SLCO2A1: variants seen among roughly 807,000 people sequenced by gnomAD.
The protein encoded by SLCO2A1 is matrin F/G 1.
Under a neutral mutation model 71.7 loss-of-function variants are expected in SLCO2A1, and 60 were observed. The ratio of observed to expected loss-of-function variants is 0.84; its 90% CI spans 0.68 to 1.04. SLCO2A1 has a LOEUF of 1.04. SLCO2A1 is among the 50% of genes least tolerant of loss of function. SLCO2A1 has a pLI of 0.00. For synonymous variants in SLCO2A1, 308 were observed against 326.7 expected, an observed-to-expected ratio of 0.94 and a Z score of 0.62; for missense variants, 745 against 813.4, an observed-to-expected ratio of 0.92 and a Z score of 1.02.
chr3:134,024,922 G>C (rs1193569474), intron 1 of SLCO2A1, among the ~76,000 whole-genome samples: 1 of 151,974 alleles, frequency 6.6e-6, no homozygotes, highest in African/African-American at 2.4e-5. Context: ...ACTGTGTAGA[G>C]GTGTTGGACT....
At chr3:133,967,319 G>C (rs1934203625) in intron 3 of SLCO2A1, among the ~76,000 whole-genome samples, 1 of 152,206 alleles carries the variant, frequency 6.6e-6, no homozygotes, top group South Asian at 2.1e-4. Context: ...ACAGATGATA[G>C]AAAAGCCTGA....
chr3:134,024,827 GA>G (rs910088862), intron 1 of SLCO2A1, among the ~76,000 whole-genome samples: 2 of 152,178 alleles, frequency 1.3e-5, no homozygotes, highest in African/African-American at 4.8e-5. Flanking sequence ...CTTGCTATGT[GA>G]AAATCCCCAC....
chr3:133,940,740 G>A (rs995772461), intron 11 of SLCO2A1, among the ~76,000 whole-genome samples: 2 of 152,196 alleles, frequency 1.3e-5, no homozygotes, highest in Non-Finnish European at 1.5e-5. Context: ...GGTGACAGTG[G>A]TGTCAAAGGA....
intron 1 of SLCO2A1, among the ~76,000 whole-genome samples, chr3:134,008,133 C>T (rs898155329): frequency 1.3e-5 from 2 of 152,178 alleles, no homozygotes; most frequent in South Asian, 2.1e-4. Flanking sequence ...GTATGAGAAC[C>T]GTGAAGGTGA....
In SLCO2A1 at chr3:133,940,517, G is replaced by T. The variant is rs1169897599; in HGVS notation, c.1626-2024C>A. Among the ~76,000 whole-genome samples, 3 of 152,156 alleles carry T rather than the reference G, an allele frequency of 2.0e-5. No homozygotes were observed. The East Asian group carries it at 5.8e-4, about 29-fold the overall frequency. On this transcript the variant is annotated intron_variant, in intron 11 of 13. Transcript: ENST00000310926. ...GTCCTCTGGGAGGTGATTTGACAGG[G>T]ATTGCCCTTCTTCCTGCTGCATAGC...
intron 3 of SLCO2A1, 184 bp from the exon 4 acceptor site, chr3:133,955,377 T>A: frequency 1.7e-6 from 1 of 588,824 alleles, no homozygotes; most frequent in Non-Finnish European, 3.0e-6. Flanking sequence ...GGAGGGACTC[T>A]AGAAACAAAG....
intron 1 of SLCO2A1, among the ~76,000 whole-genome samples, chr3:134,005,351 A>G (rs1334405524): frequency 6.6e-6 from 1 of 152,042 alleles, no homozygotes; most frequent in East Asian, 1.9e-4. Context: ...CTTGATTTTC[A>G]ATCTTTCTGT....
At chr3:133,988,018 G>A (rs560970680) in intron 1 of SLCO2A1, among the ~76,000 whole-genome samples, 3 of 152,314 alleles carry the variant, frequency 2.0e-5, no homozygotes, top group African/African-American at 7.2e-5. Flanking sequence ...CACCCTCACT[G>A]AGTGTAAACC....
At chr3:133,936,285 G>A (rs1576423927) in intron 12 of SLCO2A1, among the ~76,000 whole-genome samples, 1 of 152,134 alleles carries the variant, frequency 6.6e-6, no homozygotes, top group East Asian at 1.9e-4. Context: ...AGGTGTGGGT[G>A]CCCACTTTTT....
chr3:133,973,115 T>C (rs1267440252), intron 3 of SLCO2A1, among the ~76,000 whole-genome samples: 1 of 152,206 alleles, frequency 6.6e-6, no homozygotes, highest in Non-Finnish European at 1.5e-5. Flanking sequence ...ATGATCCTTA[T>C]TTTGCTCTCT....
At chr3:133,949,553 G>T (rs1022906914) in intron 6 of SLCO2A1, among the ~76,000 whole-genome samples, 4 of 152,260 alleles carry the variant, frequency 2.6e-5, no homozygotes, top group African/African-American at 9.6e-5. Context: ...CCAGCCTAAG[G>T]CCCTGCAGCT....
intron 1 of SLCO2A1, among the ~76,000 whole-genome samples, chr3:133,979,848 CA>C (rs1232046106): frequency 6.6e-6 from 1 of 152,178 alleles, no homozygotes; most frequent in Admixed American, 6.5e-5. Flanking sequence ...GCATTCTTAT[CA>C]CTGCTGTGAT....
At chr3:133,951,650 ACTCACAAGGG>A (rs1933749961) in intron 5 of SLCO2A1, among the ~76,000 whole-genome samples, 1 of 152,048 alleles carries the variant, frequency 6.6e-6, no homozygotes, top group South Asian at 2.1e-4. Context: ...GCTGACTCTC[ACTCACAAGGG>A]CACACCATGG....
chr3:133,959,317 A>G (rs1373351000), intron 3 of SLCO2A1, among the ~76,000 whole-genome samples: 2 of 152,064 alleles, frequency 1.3e-5, no homozygotes, highest in Non-Finnish European at 2.9e-5. Context: ...CCAGAGCATC[A>G]AAAAAGCAAC....
At position 133,934,746 on chromosome 3, in the gene SLCO2A1, C is replaced by A; in HGVS notation, c.1899G>T (p.Glu633Asp). The A allele has an allele frequency of 6.2e-7, 1 of 1,613,654 alleles. No individual in the cohort carries two copies. The highest frequency in any genetic ancestry group is 8.5e-7 in the Non-Finnish European group (1 of 1,180,002). Residue 633 changes from glutamate (E) to aspartate (D), a missense_variant, in exon 14 of 14, where the codon GAG becomes GAT. Glu to Asp is a conservative substitution (Grantham distance 45, BLOSUM62 2). Coordinates refer to ENST00000310926, the MANE Select transcript of SLCO2A1 (RefSeq NM_005630.3). The part of the protein sequence containing the change: ...FISWRVKKNK[E>D]YNVQKAAGLI ...GGCCTGCCGCCTTCTGCACGTTGTACTCCTTGTTCTTCTTCACCCTCCAGC... is the reference window on the plus strand; with the variant it reads ...GGCCTGCCGCCTTCTGCACGTTGTAATCCTTGTTCTTCTTCACCCTCCAGC...
In SLCO2A1 at chr3:133,955,189, G is replaced by T. The variant is rs200370765; in HGVS notation, c.402C>A (p.Asn134Lys). 123 of 1,612,308 alleles carry T rather than the reference G, an allele frequency of 7.6e-5. 1 individual carries two copies. The highest frequency in any genetic ancestry group is 2.7e-4 in the East Asian group (12 of 44,850). The stretch of plus-strand genomic sequence containing the variant: ...AGAGCTCGGCCTGCAAGCGGCTGTT[G>T]TTCCCTGCAACGAGAGTGCTTGCTG... ...PYQYTLASTG[N>K]NSRLQAELCQ... Residue 134 changes from asparagine (N) to lysine (K), a missense_variant, in exon 4 of 14, where the codon AAC becomes AAA. Transcript: ENST00000310926.
At chr3:134,014,749 G>T (rs1453759050) in intron 1 of SLCO2A1, among the ~76,000 whole-genome samples, 2 of 152,276 alleles carry the variant, frequency 1.3e-5, no homozygotes, top group East Asian at 3.9e-4. Context: ...CCGTGGTCAC[G>T]GGAAGAAGAA....
At chr3:133,942,944 C>T (rs1933467973) in intron 10 of SLCO2A1, among the ~76,000 whole-genome samples, 176 bp from the exon 11 acceptor site, 2 of 152,140 alleles carry the variant, frequency 1.3e-5, no homozygotes. Context: ...TCAAGCTGCC[C>T]CAGGGGTCCC....
rs1348360372 is a variant in SLCO2A1 at position 133,950,677 on chromosome 3, C to T, written c.861+531G>A. Among the ~76,000 whole-genome samples, 3 of 152,252 alleles carry T rather than the reference C, an allele frequency of 2.0e-5. No individual in the cohort carries two copies. The South Asian group carries it at 6.2e-4, about 31-fold the overall frequency. On this transcript the variant is annotated intron_variant, in intron 6 of 13. Coordinates refer to ENST00000310926, the MANE Select transcript of SLCO2A1 (RefSeq NM_005630.3). Reference sequence around the variant, plus strand: ...ACATCAAGCCCCTACCCAGACTTCTCTTCCTTGCTCTCCGTTCTCATCCTT... The same window carrying T: ...ACATCAAGCCCCTACCCAGACTTCTTTTCCTTGCTCTCCGTTCTCATCCTT...
Sources: gnomAD v4.1 joint callset for allele counts (sites outside exome capture counted in the v4.1 genomes callset) on GRCh38, gnomAD v4.1.1 for gene constraint, MANE v1.5 for transcripts, NCBI Gene and HGNC (gene_info 2026-07-23, HGNC 2026-07-21) for gene names.